The following GPATCH8 variants were observed in gnomAD, a reference collection of about 807,000 sequenced individuals.
The protein encoded by GPATCH8 is G patch domain-containing protein 8.
GPATCH8 carries 18 observed loss-of-function variants against 118.3 expected under a neutral mutation model. That is an observed-to-expected ratio of 0.15 (90% CI 0.11 to 0.23). The LOEUF (loss-of-function observed/expected upper bound fraction) is 0.23. Ranked by LOEUF, GPATCH8 falls within the 10% of genes least tolerant of loss-of-function variation. The pLI, the probability that GPATCH8 is intolerant of heterozygous loss-of-function variation, is 1.00. For synonymous variants in GPATCH8, 659 were observed against 684.7 expected (o/e 0.96, Z 0.59); for missense variants, 1,631 against 1,873.8 (o/e 0.87, Z 2.39).
At chr17:44,465,177 T>C (rs1220588547) in intron 2 of GPATCH8, 1 of 151,798 alleles carries the variant, frequency 6.6e-6, no homozygotes, top group Non-Finnish European at 1.5e-5. Context: ...AACAAGAAAT[T>C]AAGTTGATTA....
intron 1 of GPATCH8, among the ~76,000 whole-genome samples, chr17:44,477,911 G>C (rs757485619): frequency 7.2e-5 from 11 of 152,174 alleles, no homozygotes; most frequent in Middle Eastern, 3.4e-3. Flanking sequence ...CCAGATTCAA[G>C]GGATTCTCCC....
At chr17:44,418,304 T>C (rs2049763259) in intron 6 of GPATCH8, among the ~76,000 whole-genome samples, 1 of 152,190 alleles carries the variant, frequency 6.6e-6, no homozygotes, top group South Asian at 2.1e-4. Flanking sequence ...AAGAAAATGA[T>C]TCTACTGTCA....
In GPATCH8 at chr17:44,398,115, C is replaced by A. The variant is rs1239067159; in HGVS notation, c.3962G>T (p.Ser1321Ile). ...TFTPEEMEKY[S>I]KLQQAAQQHI... ...TTGCTGAGCAGCCTGCTGGAGCTTG[C>A]TGTACTTCTCCATCTCCTCAGGGGT... Residue 1321 changes from serine to isoleucine, a missense_variant, in exon 8 of 8, where the codon AGC becomes ATC. Physicochemically the swap from Ser to Ile is moderately radical, Grantham distance 142 (BLOSUM62 -2). Around this residue, in one of 8 missense-constraint regions of GPATCH8, gnomAD observed 13 missense variants for 35.9 expected, o/e 0.36. Transcript: ENST00000591680. 6.2e-7 allele frequency: 1 copy of A among 1,614,028 alleles called. No homozygotes were observed. Among genetic ancestry groups the A allele is most frequent in the East Asian group, 2.2e-5 (1 of 44,866 alleles).
chr17:44,411,121 T>C (rs1320619851), intron 6 of GPATCH8, among the ~76,000 whole-genome samples: 1 of 152,190 alleles, frequency 6.6e-6, no homozygotes, highest in African/African-American at 2.4e-5. Flanking sequence ...AGTGTAGACT[T>C]CAAGAGCAGA....
In GPATCH8 at chr17:44,396,775, A is replaced by G. The variant is rs2048794034; in HGVS notation, c.*793T>C. 2.2e-6 allele frequency: 1 copy of G among 453,942 alleles called. No homozygotes were observed. The highest frequency in any genetic ancestry group is 4.4e-6 in the Non-Finnish European group (1 of 226,714). The allele number at this position is 453,942 out of a possible 1,614,324, so 28.1% of individuals were successfully genotyped here. On this transcript the variant is annotated 3_prime_UTR_variant, in exon 8 of 8. Coordinates refer to ENST00000591680, the MANE Select transcript of GPATCH8 (RefSeq NM_001002909.4). ...TATAGAGTTCAGTGCAATTTTTTAC[A>G]TTAAAAAAATCCTATAAATTAAGAA...
intron 7 of GPATCH8, among the ~76,000 whole-genome samples, chr17:44,402,342 A>AT (rs2049057624): frequency 6.6e-6 from 1 of 151,654 alleles, no homozygotes; most frequent in South Asian, 2.1e-4. Context: ...AAAAAAAAAA[A>AT]AAAAAAGTAA....
intron 7 of GPATCH8, among the ~76,000 whole-genome samples, chr17:44,402,112 G>A (rs2049048216): frequency 6.6e-6 from 1 of 151,422 alleles, no homozygotes; most frequent in Non-Finnish European, 1.5e-5. Context: ...ATGAGATCAG[G>A]AGTTCAAGAC....
chr17:44,415,072 CT>C (rs1459981767), intron 6 of GPATCH8, among the ~76,000 whole-genome samples: 1 of 152,208 alleles, frequency 6.6e-6, no homozygotes, highest in Non-Finnish European at 1.5e-5. Flanking sequence ...TATGTTTACA[CT>C]TCCCTTGGGT....
Position 44,434,960 on chromosome 17 carries a change from C to G in GPATCH8, c.348+105G>C. 11 of 739,844 alleles carry G rather than the reference C, an allele frequency of 1.5e-5. No homozygotes were observed. The South Asian group carries it at 1.6e-4, about 11-fold the overall frequency. The allele number at this position is 739,844 out of a possible 1,614,324, so 45.8% of individuals were successfully genotyped here. ...TCTACTACTAATTACCACCAAATGT[C>G]AAACAAATGCTGTTAGCAACAGTGA... On this transcript the variant is annotated intron_variant, in intron 5 of 7. Coordinates refer to ENST00000591680, the MANE Select transcript of GPATCH8 (RefSeq NM_001002909.4).
At chr17:44,466,745 T>C (rs2144319607) in intron 2 of GPATCH8, among the ~76,000 whole-genome samples, 1 of 152,346 alleles carries the variant, frequency 6.6e-6, no homozygotes, top group South Asian at 2.1e-4. Flanking sequence ...CCTTATTTCA[T>C]ATCATAATTC....
At chr17:44,446,886 G>C (rs2050904348) in intron 3 of GPATCH8, among the ~76,000 whole-genome samples, 1 of 152,048 alleles carries the variant, frequency 6.6e-6, no homozygotes, top group Middle Eastern at 3.4e-3. Flanking sequence ...CCAGGCTGGA[G>C]CACAGTGTCA....
intron 3 of GPATCH8, among the ~76,000 whole-genome samples, chr17:44,451,873 T>C (rs1208012398): frequency 6.6e-6 from 1 of 152,146 alleles, no homozygotes; most frequent in Non-Finnish European, 1.5e-5. Flanking sequence ...ATCATATCTC[T>C]CCAGGATAGG....
At chr17:44,460,935 G>A (rs989728454) in intron 3 of GPATCH8, among the ~76,000 whole-genome samples, 3 of 152,160 alleles carry the variant, frequency 2.0e-5, no homozygotes, top group Admixed American at 6.5e-5. Context: ...CCAGCACAAT[G>A]CCTGCATGTA....
chr17:44,485,286 ATT>A (rs901096670), intron 1 of GPATCH8, among the ~76,000 whole-genome samples: 1 of 151,648 alleles, frequency 6.6e-6, no homozygotes, highest in African/African-American at 2.4e-5. Context: ...TCATTTAAAA[ATT>A]TTTTTTTGTA....
chr17:44,426,755 C>T (rs1472493257), intron 5 of GPATCH8, among the ~76,000 whole-genome samples: 1 of 151,954 alleles, frequency 6.6e-6, no homozygotes, highest in East Asian at 1.9e-4. Flanking sequence ...GTTATTGAAT[C>T]TTAAAGACAG....
intron 3 of GPATCH8, among the ~76,000 whole-genome samples, chr17:44,446,243 C>T (rs2050875938): frequency 6.6e-6 from 1 of 152,070 alleles, no homozygotes; most frequent in Non-Finnish European, 1.5e-5. Context: ...AGTCACCATG[C>T]CGCCTATATT....
At chr17:44,479,599 G>A (rs1343789199) in intron 1 of GPATCH8, among the ~76,000 whole-genome samples, 1 of 152,130 alleles carries the variant, frequency 6.6e-6, no homozygotes, top group Non-Finnish European at 1.5e-5. Flanking sequence ...AAAAATACAA[G>A]AGAAAAATCT....
In GPATCH8 at chr17:44,405,912, T is replaced by C. The variant is rs922536461; in HGVS notation, c.623+9A>G. On this transcript the variant is annotated intron_variant, in intron 7 of 7. Coordinates refer to ENST00000591680, the MANE Select transcript of GPATCH8 (RefSeq NM_001002909.4). ...ATCTGTACAACCCTCTGATAAAAAA[T>C]ATCCTCACCATTCAGCTTGTTTTCT... The C allele has an allele frequency of 2.9e-5, 46 of 1,596,692 alleles. No homozygotes were observed. The Admixed American group carries it at 4.2e-4, about 14-fold the overall frequency.
rs1033990075 is a variant in GPATCH8, at chr17:44,399,990, T to A, written c.2087A>T (p.Glu696Val). 2 of 1,614,054 alleles carry A rather than the reference T, an allele frequency of 1.2e-6. No homozygotes were observed. Among genetic ancestry groups the A allele is most frequent in the African/African-American group, 2.7e-5 (2 of 74,932 alleles). Residue 696 changes from glutamate (E) to valine (V), a missense_variant, in exon 8 of 8, where the codon GAA (glutamate) becomes GTA (valine). Physicochemically the swap from Glu to Val is moderately radical, Grantham distance 121. Transcript: ENST00000591680. ...TGACTCTGCCTTAGAGCTTTTCTCT[T>A]CTGTGTCAGCCTTGTGTTTACGTTT... ...KHKRKHKADT[E>V]EKSSKAESGE... is the part of the protein sequence containing the mutation.
Sources: allele counts gnomAD v4.1 joint callset (sites outside exome capture counted in the v4.1 genomes callset), GRCh38; gene constraint gnomAD v4.1.1; regional missense constraint gnomAD v4.1.1; transcripts MANE v1.5; gene names NCBI Gene and HGNC (gene_info 2026-07-23, HGNC 2026-07-21).